DLG2: variants seen among roughly 807,000 people sequenced by gnomAD.
DLG2 encodes discs large MAGUK scaffold protein 2.
DLG2 carries 45 observed loss-of-function variants against 132.5 expected under a neutral mutation model. The ratio of observed to expected loss-of-function variants is 0.34; its 90% CI spans 0.27 to 0.44. The LOEUF (loss-of-function observed/expected upper bound fraction) is 0.44, where lower values mean the gene tolerates loss of function less well. Ranked by LOEUF, DLG2 falls within the 20% of genes least tolerant of loss-of-function variation. The pLI is 1.00. For missense variants in DLG2, 1,045 were observed against 1,196.9 expected, an observed-to-expected ratio of 0.87 and a Z score of 1.87; for synonymous variants, 424 against 419.6, an observed-to-expected ratio of 1.01 and a Z score of -0.13.
At chr11:83,696,414 A>G (rs948460853) in intron 18 of DLG2, among the ~76,000 whole-genome samples, 1 of 152,108 alleles carries the variant, frequency 6.6e-6, no homozygotes, top group Non-Finnish European at 1.5e-5. Flanking sequence ...TGCACTTTAT[A>G]TATGTACTTG....
At chr11:84,408,087 AT>A (rs1384953731) in intron 7 of DLG2, among the ~76,000 whole-genome samples, 15 of 152,148 alleles carry the variant, frequency 9.9e-5, no homozygotes, top group Admixed American at 9.8e-4. Flanking sequence ...ATATTTTAAA[AT>A]TTTTATTCAG....
chr11:84,091,959 A>G (rs866375342), intron 10 of DLG2, among the ~76,000 whole-genome samples: 1 of 152,198 alleles, frequency 6.6e-6, no homozygotes, highest in Admixed American at 6.5e-5. Context: ...ACAGCCCCCC[A>G]TAGGTTCTTT....
chr11:84,848,354 C>T (rs187797438), intron 6 of DLG2, among the ~76,000 whole-genome samples: 10 of 152,002 alleles, frequency 6.6e-5, no homozygotes, highest in Non-Finnish European at 1.0e-4. Context: ...ATTAGCCAGG[C>T]ATGGTGGTGC....
chr11:84,342,282 C>T (rs569548503), intron 7 of DLG2, among the ~76,000 whole-genome samples: 2 of 152,124 alleles, frequency 1.3e-5, no homozygotes, highest in Admixed American at 6.5e-5. Flanking sequence ...CTCCAATTTA[C>T]CAGCACCAGA....
intron 6 of DLG2, among the ~76,000 whole-genome samples, chr11:84,747,111 G>T (rs560748759): frequency 2.6e-5 from 4 of 152,258 alleles, no homozygotes; most frequent in Admixed American, 2.6e-4. Context: ...AGGTACATGG[G>T]TTTTGTAGTT....
intron 6 of DLG2, among the ~76,000 whole-genome samples, chr11:85,103,316 GAA>G (rs2071176178): frequency 6.6e-6 from 1 of 151,870 alleles, no homozygotes; most frequent in Non-Finnish European, 1.5e-5. Flanking sequence ...TCTTGGAAAA[GAA>G]CAGAGTTGGC....
intron 6 of DLG2, among the ~76,000 whole-genome samples, chr11:84,948,036 G>T (rs761401220): frequency 6.6e-6 from 1 of 152,196 alleles, no homozygotes; most frequent in Non-Finnish European, 1.5e-5. Context: ...AAGGAGAGAA[G>T]TATTCTACCT....
intron 6 of DLG2, among the ~76,000 whole-genome samples, chr11:84,879,320 C>T (rs767634773): frequency 2.0e-5 from 3 of 151,994 alleles, no homozygotes; most frequent in Non-Finnish European, 2.9e-5. Context: ...GTGCCAAAAC[C>T]CCATGATATA....
At position 84,906,241 on chromosome 11, in the gene DLG2, T is replaced by G. The variant is rs535312046; in HGVS notation, c.357+205420A>C. ...TAAAAACAAGTTTTGGTTTTTTTGT[T>G]TTTTTTTTTTTTACATCCCTAAAAA... On this transcript the variant is annotated intron_variant, in intron 6 of 27. Coordinates refer to ENST00000376104, the MANE Select transcript of DLG2 (RefSeq NM_001142699.3). Among the ~76,000 whole-genome samples, 132 of 63,870 alleles carry G rather than the reference T, an allele frequency of 2.1e-3. No homozygotes were observed. In the South Asian group the frequency reaches 0.03, roughly 15 times the overall value. The allele number at this position is 63,870 out of a possible 152,430, so 41.9% of individuals were successfully genotyped here.
intron 7 of DLG2, among the ~76,000 whole-genome samples, chr11:84,469,989 G>C (rs1312111614): frequency 2.0e-5 from 3 of 151,702 alleles, no homozygotes; most frequent in African/African-American, 7.3e-5. Context: ...CTGTAAACCT[G>C]TACAGCATGT....
chr11:83,899,580 A>C (rs1231276864), intron 15 of DLG2, among the ~76,000 whole-genome samples: 2 of 152,160 alleles, frequency 1.3e-5, no homozygotes, highest in African/African-American at 4.8e-5. Context: ...GTCTCATGAG[A>C]TCTGATGGTA....
chr11:84,429,084 A>G (rs1487512193), intron 7 of DLG2, among the ~76,000 whole-genome samples: 3 of 152,200 alleles, frequency 2.0e-5, no homozygotes, highest in Non-Finnish European at 4.4e-5. Flanking sequence ...AGAGCCCCTG[A>G]GCATTTTTCA....
At chr11:84,288,009 C>A (rs934188932) in intron 7 of DLG2, among the ~76,000 whole-genome samples, 4 of 151,360 alleles carry the variant, frequency 2.6e-5, no homozygotes, top group Admixed American at 6.6e-5. Flanking sequence ...TCTAGTAAAG[C>A]TTGTAGGCAG....
chr11:84,253,984 C>G (rs1157162351), intron 7 of DLG2, among the ~76,000 whole-genome samples: 1 of 152,088 alleles, frequency 6.6e-6, no homozygotes, highest in Non-Finnish European at 1.5e-5. Flanking sequence ...AAGGATATTG[C>G]AGGTTAGACG....
chr11:83,563,956 C>T (rs1308504795), intron 19 of DLG2, among the ~76,000 whole-genome samples: 1 of 152,202 alleles, frequency 6.6e-6, no homozygotes, highest in Non-Finnish European at 1.5e-5. Context: ...TGAGAGAAAA[C>T]TGACAGTGAT....
Position 83,578,075 on chromosome 11 carries a change from T to TACAC in DLG2, c.1941-36221_1941-36218dup, listed in dbSNP as rs148521282. On this transcript the variant is annotated intron_variant, in intron 19 of 27. Transcript: ENST00000376104. Reference sequence around the variant, plus strand: ...GTGTGTGTATACATATATATATGTATACACACACACACACACTGTATCATA... The same window carrying TACAC: ...GTGTGTGTATACATATATATATGTATACACACACACACACACACACTGTATCATA... Among the ~76,000 whole-genome samples the TACAC allele has an allele frequency of 8.4e-4, 113 of 135,096 alleles. 1 individual carries two copies. The highest frequency in any genetic ancestry group is 2.0e-3 in the African/African-American group (73 of 36,372). The allele number at this position is 135,096 out of a possible 152,430, so 88.6% of individuals were successfully genotyped here. A position where few individuals can be genotyped will look rare whatever the true frequency, so the allele number is the denominator to read the frequency against.
At chr11:84,179,965 T>C (rs138255054) in intron 8 of DLG2, among the ~76,000 whole-genome samples, 25 of 152,242 alleles carry the variant, frequency 1.6e-4, no homozygotes, top group African/African-American at 6.0e-4. Context: ...CAAAGATCTA[T>C]TCAAAACAGC....
chr11:84,392,893 A>G (rs1385041850), intron 7 of DLG2, among the ~76,000 whole-genome samples: 2 of 152,216 alleles, frequency 1.3e-5, no homozygotes, highest in African/African-American at 2.4e-5. Context: ...TTGTAATGAT[A>G]AACTTTTTTA....
At chr11:84,750,641 A>G (rs2065988323) in intron 6 of DLG2, among the ~76,000 whole-genome samples, 1 of 152,180 alleles carries the variant, frequency 6.6e-6, no homozygotes, top group African/African-American at 2.4e-5. Flanking sequence ...GAGAGTATAC[A>G]TTTCTGAAAC....
Sources: allele counts gnomAD v4.1 joint callset (sites outside exome capture counted in the v4.1 genomes callset), GRCh38; gene constraint gnomAD v4.1.1; transcripts MANE v1.5; gene names NCBI Gene and HGNC (gene_info 2026-07-23, HGNC 2026-07-21).